The following HEMK2 variants were observed in gnomAD, a reference collection of about 807,000 sequenced individuals.
HEMK2 encodes the protein methyltransferase HEMK2.
chr21:28,736,363 T>G, the HEMK2 span, among the ~76,000 whole-genome samples: 3 of 152,184 alleles, frequency 2.0e-5, no homozygotes, highest in Non-Finnish European at 4.4e-5. Flanking sequence ...CCTTCATTAG[T>G]GCAATGGAAC....
chr21:28,635,722 T>C, the HEMK2 span, among the ~76,000 whole-genome samples: 6 of 152,028 alleles, frequency 3.9e-5, no homozygotes, highest in Non-Finnish European at 8.8e-5. Flanking sequence ...CAGTGGCCAC[T>C]CCATTACTAA....
the HEMK2 span, among the ~76,000 whole-genome samples, chr21:28,804,234 T>A: frequency 6.6e-6 from 1 of 152,212 alleles, no homozygotes; most frequent in Non-Finnish European, 1.5e-5. Context: ...CAAATTTACT[T>A]GATTTTCTGT....
At chr21:28,647,508 CAAAAAA>C in the HEMK2 span, among the ~76,000 whole-genome samples, 145 of 111,866 alleles carry the variant, frequency 1.3e-3, no homozygotes, top group Non-Finnish European at 1.7e-3. Context: ...AACTCCATCT[CAAAAAA>C]AAAAAAAAAA....
the HEMK2 span, among the ~76,000 whole-genome samples, chr21:28,857,179 A>G: frequency 6.6e-6 from 1 of 152,148 alleles, no homozygotes; most frequent in African/African-American, 2.4e-5. Flanking sequence ...TTAATTTCCA[A>G]GGAGATTAAA....
the HEMK2 span, among the ~76,000 whole-genome samples, chr21:28,767,020 G>A: frequency 6.6e-6 from 1 of 152,050 alleles, no homozygotes; most frequent in African/African-American, 2.4e-5. Context: ...AATGTGTTGT[G>A]GGAGGGACCT....
At chr21:28,714,017 C>A in the HEMK2 span, among the ~76,000 whole-genome samples, 1 of 152,170 alleles carries the variant, frequency 6.6e-6, no homozygotes, top group Admixed American at 6.5e-5. Flanking sequence ...CTTGAGCAGA[C>A]GCTCCTGACC....
chr21:28,579,838 A>T, the HEMK2 span, among the ~76,000 whole-genome samples: 4 of 152,170 alleles, frequency 2.6e-5, no homozygotes, highest in Admixed American at 2.0e-4. Flanking sequence ...TATATATTCA[A>T]AGTTTGACTG....
chr21:28,880,011 CAA>C, the HEMK2 span: 1 of 1,191,228 alleles, frequency 8.4e-7, no homozygotes, highest in African/African-American at 1.5e-5. Context: ...AAATAACTGA[CAA>C]ATTAATCTTT....
At chr21:28,600,987 A>C in the HEMK2 span, among the ~76,000 whole-genome samples, 1 of 152,256 alleles carries the variant, frequency 6.6e-6, no homozygotes, top group South Asian at 2.1e-4. Context: ...CTGGCTGCTT[A>C]AGCCAAAAAC....
the HEMK2 span, among the ~76,000 whole-genome samples, chr21:28,776,341 T>A: frequency 6.6e-6 from 1 of 152,226 alleles, no homozygotes; most frequent in Admixed American, 6.5e-5. Context: ...CAGTGGCTTA[T>A]CTGCCTGATG....
At chr21:28,678,944 CA>C in the HEMK2 span, among the ~76,000 whole-genome samples, 1 of 152,116 alleles carries the variant, frequency 6.6e-6, no homozygotes, top group Non-Finnish European at 1.5e-5. Context: ...AAAAACATGC[CA>C]AATTGTAAAG....
chr21:28,734,134 G>A, the HEMK2 span, among the ~76,000 whole-genome samples: 1 of 152,076 alleles, frequency 6.6e-6, no homozygotes, highest in Non-Finnish European at 1.5e-5. Flanking sequence ...ATGAAACTGA[G>A]CCACTCACAT....
At chr21:28,865,387 G>A in the HEMK2 span, among the ~76,000 whole-genome samples, 3 of 152,090 alleles carry the variant, frequency 2.0e-5, no homozygotes, top group Admixed American at 6.5e-5. Context: ...GCTGGGTCTC[G>A]GACTCCTGGC....
chr21:28,860,233 A>G, the HEMK2 span, among the ~76,000 whole-genome samples: 620 of 152,216 alleles, frequency 4.1e-3, 3 homozygotes, highest in Non-Finnish European at 7.1e-3. Flanking sequence ...CAGCGTGCCT[A>G]GAAAAGAAGC....
At chr21:28,642,002 C>T in the HEMK2 span, among the ~76,000 whole-genome samples, 5 of 152,170 alleles carry the variant, frequency 3.3e-5, no homozygotes, top group Non-Finnish European at 7.3e-5. Flanking sequence ...GCCAAATGTA[C>T]AGATGGTTCT....
At chr21:28,655,236 A>G in the HEMK2 span, among the ~76,000 whole-genome samples, 9 of 152,074 alleles carry the variant, frequency 5.9e-5, no homozygotes, top group Admixed American at 2.0e-4. Flanking sequence ...ATTTTTCACT[A>G]ATTTCAATGA....
At chr21:28,606,951 ATGAC>A in the HEMK2 span, among the ~76,000 whole-genome samples, 8 of 152,252 alleles carry the variant, frequency 5.3e-5, no homozygotes, top group African/African-American at 1.9e-4. Flanking sequence ...TGGGGAAAGT[ATGAC>A]ATATTTATTG....
chr21:28,882,837 A>G, the HEMK2 span: 9 of 449,896 alleles, frequency 2.0e-5, no homozygotes, highest in Middle Eastern at 6.1e-4. Context: ...TTGAACATGA[A>G]TAATTTTTAG....
chr21:28,630,560 A>G, the HEMK2 span, among the ~76,000 whole-genome samples: 1 of 152,180 alleles, frequency 6.6e-6, no homozygotes, highest in South Asian at 2.1e-4. Flanking sequence ...CTGGATTAAG[A>G]AAATGTGGCA....
Sources: allele counts gnomAD v4.1 joint callset (sites outside exome capture counted in the v4.1 genomes callset), GRCh38; gene constraint gnomAD v4.1.1; transcripts MANE v1.5; gene names NCBI Gene and HGNC (gene_info 2026-07-23, HGNC 2026-07-21).